Variants in RNF139 observed in about 807,000 individuals in gnomAD.
RNF139 encodes the protein E3 ubiquitin-protein ligase RNF139.
Under a neutral mutation model 49.5 loss-of-function variants are expected in RNF139, and 15 were observed. The ratio of observed to expected loss-of-function variants is 0.30; its 90% CI spans 0.20 to 0.47. The LOEUF (loss-of-function observed/expected upper bound fraction) is 0.47. RNF139 is among the 20% of genes least tolerant of loss of function. The pLI is 1.00. For synonymous variants in RNF139, 325 were observed against 300.9 expected, an observed-to-expected ratio of 1.08 and a Z score of -0.83; for missense variants, 619 against 806.3, an observed-to-expected ratio of 0.77 and a Z score of 2.81.
chr8:124,485,805 A>C (rs756217359), intron 1 of RNF139, 26 bp from the exon 2 acceptor site: 39 of 1,536,550 alleles, frequency 2.5e-5, no homozygotes, highest in Non-Finnish European at 3.4e-5. Flanking sequence ...ACTTCATTCA[A>C]ATGACTTTTT....
At position 124,485,993 on chromosome 8, in the gene RNF139, G is replaced by T. The variant is rs779310914; in HGVS notation, c.344G>T (p.Gly115Val). ...FYGAYNTSAF[G>V]IELLPRKGPS... ...GGTGCCTACAACACGTCAGCTTTTGGAATTGAGCTGCTTCCTCGAAAAGGT... is the reference window on the plus strand; with the variant it reads ...GGTGCCTACAACACGTCAGCTTTTGTAATTGAGCTGCTTCCTCGAAAAGGT... Residue 115 changes from glycine to valine, a missense_variant, in exon 2 of 2, where the codon GGA becomes GTA. Gly to Val is a moderately radical substitution (Grantham distance 109). Transcript: ENST00000303545. 2 of 1,614,184 alleles carry T rather than the reference G, an allele frequency of 1.2e-6. No homozygotes were observed. The highest frequency in any genetic ancestry group is 8.5e-7 in the Non-Finnish European group (1 of 1,180,012).
rs749904748 is a variant in RNF139 at position 124,487,559 on chromosome 8, G to GTGA, written c.1919_1921dup (p.Asp640dup). 1 of 1,614,086 alleles carries GTGA rather than the reference G, an allele frequency of 6.2e-7. No individual in the cohort carries two copies. Among genetic ancestry groups the GTGA allele is most frequent in the Non-Finnish European group, 8.5e-7 (1 of 1,179,974 alleles). ...TTGAACGAAGATGACAGTACAGATTGTGATGATGATGTTCAAAGAGAAAGA... is the reference window on the plus strand; with the variant it reads ...TTGAACGAAGATGACAGTACAGATTGTGATGATGATGATGTTCAAAGAGAAAGA... On this transcript the variant is annotated inframe_insertion, in exon 2 of 2. Transcript: ENST00000303545.
At chr8:124,477,953 A>G (rs181878979) in intron 1 of RNF139, among the ~76,000 whole-genome samples, 1 of 152,310 alleles carries the variant, frequency 6.6e-6, no homozygotes, top group East Asian at 1.9e-4. Context: ...GCAAAGCTTA[A>G]AAAAGAATCC....
intron 1 of RNF139, among the ~76,000 whole-genome samples, chr8:124,478,923 C>G (rs993909198): frequency 6.6e-6 from 1 of 151,704 alleles, no homozygotes; most frequent in Admixed American, 6.6e-5. Context: ...CAGGTTTTCT[C>G]CATGTTGGTC....
Position 124,486,414 on chromosome 8 carries a change from C to CT in RNF139, c.765_766insT (p.Ile256TyrfsTer7). 6.2e-7 allele frequency: 1 copy of CT among 1,614,138 alleles called. No individual in the cohort carries two copies. The highest frequency in any genetic ancestry group is 8.5e-7 in the Non-Finnish European group (1 of 1,180,006). On this transcript the variant is annotated frameshift_variant, in exon 2 of 2. Transcript: ENST00000303545. LOFTEE classifies it high-confidence loss of function. ...CAGCTCAGGCTACAGTGTTAATGTA[C>CT]ATCTTAAGGATGGCAAATGAAACTG...
rs1226619748 is a variant in RNF139, at chr8:124,475,217, C to T, written c.108C>T (p.Ala36=). 1.2e-6 allele frequency: 2 copies of T among 1,614,024 alleles called. No homozygotes were observed. The highest frequency in any genetic ancestry group is 2.7e-5 in the African/African-American group (2 of 75,038). The change falls in exon 1 of 2, where the codon GCC becomes GCT. Residue 36 remains alanine (A), a synonymous_variant. Transcript: ENST00000303545. Reference sequence around the variant, plus strand: ...TGCCCTGCCTTTACATCATCGACGCCATCTTCAACTCCTACCCGGATTCCA... The same window carrying T: ...TGCCCTGCCTTTACATCATCGACGCTATCTTCAACTCCTACCCGGATTCCA... The part of the protein sequence containing the change: ...LRVPCLYIID[A]IFNSYPDSSQ...
intron 1 of RNF139, among the ~76,000 whole-genome samples, chr8:124,485,102 C>G (rs568329593): frequency 6.6e-6 from 1 of 152,180 alleles, no homozygotes; most frequent in East Asian, 1.9e-4. Flanking sequence ...CGGTGGCTCA[C>G]GCCTGTAATC....
At chr8:124,481,982 T>G (rs1383558912) in intron 1 of RNF139, among the ~76,000 whole-genome samples, 1 of 152,066 alleles carries the variant, frequency 6.6e-6, no homozygotes, top group Non-Finnish European at 1.5e-5. Context: ...AAAAGGAAAA[T>G]CTATGAACCC....
chr8:124,485,767 CTCTT>C, intron 1 of RNF139, 60 bp from the exon 2 acceptor site: 3 of 1,327,826 alleles, frequency 2.3e-6, no homozygotes, highest in Non-Finnish European at 3.1e-6. Flanking sequence ...AATATCATAA[CTCTT>C]AGTGGGGAAA....
In RNF139 at chr8:124,476,673, T is replaced by C. The variant is rs925263264; in HGVS notation, c.181+1383T>C. Among the ~76,000 whole-genome samples the C allele has an allele frequency of 2.7e-4, 41 of 152,162 alleles. 1 individual carries two copies. Among genetic ancestry groups the C allele is most frequent in the Non-Finnish European group, 2.9e-5 (2 of 68,022 alleles). ...TGCTAACGTATACCACCACCATAAT[T>C]TGTGTTAAAAACTGGGCTCTGTTTG... On this transcript the variant is annotated intron_variant, in intron 1 of 1. Coordinates refer to ENST00000303545, the MANE Select transcript of RNF139 (RefSeq NM_007218.4).
At chr8:124,479,397 A>T (rs554712408) in intron 1 of RNF139, among the ~76,000 whole-genome samples, 1 of 152,326 alleles carries the variant, frequency 6.6e-6, no homozygotes, top group South Asian at 2.1e-4. Flanking sequence ...CTAGCCATGC[A>T]ATAAAGTTCT....
chr8:124,475,151 C>G lies in RNF139; in HGVS notation c.42C>G (p.Ala14=). The part of the protein sequence containing the change: ...VGPPQQQVRM[A]HQQVWAALEV... ...CCCCGCAGCAGCAGGTGCGGATGGC[C>G]CATCAGCAGGTCTGGGCGGCGCTCG... Residue 14 remains alanine (A), a synonymous_variant, in exon 1 of 2, where the codon GCC becomes GCG. Coordinates refer to ENST00000303545, the MANE Select transcript of RNF139 (RefSeq NM_007218.4). 6.2e-7 allele frequency: 1 copy of G among 1,610,678 alleles called. No individual in the cohort carries two copies. Among genetic ancestry groups the G allele is most frequent in the Non-Finnish European group, 8.5e-7 (1 of 1,179,314 alleles).
intron 1 of RNF139, among the ~76,000 whole-genome samples, chr8:124,483,048 TATATCTATTAAAA>T (rs1465314289): frequency 1.1e-3 from 55 of 49,894 alleles, no homozygotes; most frequent in Non-Finnish European, 1.8e-3. Context: ...TATTTAAAAA[TATATCTATTAAAA>T]ATATATATAT....
Position 124,487,785 on chromosome 8 carries a change from T to A in RNF139, c.*141T>A. 2.6e-6 allele frequency: 2 copies of A among 756,414 alleles called. No individual in the cohort carries two copies. Among genetic ancestry groups the A allele is most frequent in the Non-Finnish European group, 4.2e-6 (2 of 481,922 alleles). The allele number at this position is 756,414 out of a possible 1,614,324, so 46.9% of individuals were successfully genotyped here. On this transcript the variant is annotated 3_prime_UTR_variant, in exon 2 of 2. Coordinates refer to ENST00000303545, the MANE Select transcript of RNF139 (RefSeq NM_007218.4). Reference sequence around the variant, plus strand: ...AATCTGTGAATGGTTTTCCGTTTACTGTGATGTGCTACTGTAAATATACCT... The same window carrying A: ...AATCTGTGAATGGTTTTCCGTTTACAGTGATGTGCTACTGTAAATATACCT...
At chr8:124,485,368 CA>C (rs1816511109) in intron 1 of RNF139, among the ~76,000 whole-genome samples, 1 of 152,046 alleles carries the variant, frequency 6.6e-6, no homozygotes, top group African/African-American at 2.4e-5. Flanking sequence ...TTGTCTCAGT[CA>C]GTCAATAATA....
In RNF139 at chr8:124,486,796, G is replaced by C; in HGVS notation, c.1147G>C (p.Val383Leu). 1.2e-6 allele frequency: 2 copies of C among 1,613,858 alleles called. No individual in the cohort carries two copies. Among genetic ancestry groups the C allele is most frequent in the Non-Finnish European group, 1.7e-6 (2 of 1,180,006 alleles). Reference protein sequence around the residue: ...PVLMSLSASHVSSFRRHFPVL... With the variant: ...PVLMSLSASHLSSFRRHFPVL... ...ATTAATGTCTCTCAGTGCCTCTCAT[G>C]TGTCATCTTTTCGTAGACATTTTCC... Residue 383 changes from valine to leucine, a missense_variant, in exon 2 of 2, where the codon GTG (valine) becomes CTG (leucine). Physicochemically the swap from Val to Leu is conservative, Grantham distance 32. Transcript: ENST00000303545.
intron 1 of RNF139, among the ~76,000 whole-genome samples, chr8:124,485,192 C>T (rs1022858415): frequency 1.3e-5 from 2 of 152,020 alleles, no homozygotes; most frequent in African/African-American, 4.8e-5. Context: ...GGTGAAACCC[C>T]GTCTCTACTA....
At chr8:124,476,629 A>G (rs976311434) in intron 1 of RNF139, among the ~76,000 whole-genome samples, 1 of 152,220 alleles carries the variant, frequency 6.6e-6, no homozygotes, top group African/African-American at 2.4e-5. Context: ...ACCTAATTCC[A>G]GCCTTTCCTA....
chr8:124,483,058 AAAAAT>A (rs1816466636), intron 1 of RNF139, among the ~76,000 whole-genome samples: 5 of 27,822 alleles, frequency 1.8e-4, no homozygotes, highest in African/African-American at 5.9e-4. Context: ...TATATCTATT[AAAAAT>A]ATATATATAT....
Sources: gnomAD v4.1 joint callset for allele counts (sites outside exome capture counted in the v4.1 genomes callset) on GRCh38, gnomAD v4.1.1 for gene constraint, MANE v1.5 for transcripts, NCBI Gene and HGNC (gene_info 2026-07-23, HGNC 2026-07-21) for gene names.